The following ARB2A variants were observed in gnomAD, a reference collection of about 807,000 sequenced individuals.
ARB2A encodes ARB2 cotranscriptional regulator A.
the ARB2A span, among the ~76,000 whole-genome samples, chr5:94,108,892 T>C: frequency 6.6e-6 from 1 of 152,110 alleles, no homozygotes; most frequent in East Asian, 1.9e-4. Context: ...ACATATAAAA[T>C]TTCCATGTGA....
the ARB2A span, among the ~76,000 whole-genome samples, chr5:93,712,155 G>A: frequency 1.7e-4 from 26 of 152,256 alleles, no homozygotes; most frequent in African/African-American, 5.8e-4. Context: ...TTACTAGCTT[G>A]GGGTGATTGA....
the ARB2A span, among the ~76,000 whole-genome samples, chr5:93,851,721 G>T: frequency 3.9e-5 from 6 of 152,038 alleles, no homozygotes; most frequent in Admixed American, 2.6e-4. Context: ...TTTTGTTCTT[G>T]CGATAGTTTA....
the ARB2A span, among the ~76,000 whole-genome samples, chr5:93,696,412 A>G: frequency 1.3e-5 from 2 of 152,024 alleles, no homozygotes; most frequent in Non-Finnish European, 2.9e-5. Flanking sequence ...AATCCTACCC[A>G]TCTTTCAAGG....
chr5:94,035,230 C>CATATACATATACATATACATATAT, the ARB2A span, among the ~76,000 whole-genome samples: 1 of 151,248 alleles, frequency 6.6e-6, no homozygotes, highest in African/African-American at 2.4e-5. Flanking sequence ...TATACATATA[C>CATATACATATACATATACATATAT]ATATACATAT....
the ARB2A span, among the ~76,000 whole-genome samples, chr5:94,105,900 T>C: frequency 6.6e-6 from 1 of 151,958 alleles, no homozygotes; most frequent in Non-Finnish European, 1.5e-5. Flanking sequence ...CCCTATTCAA[T>C]AAAGAGTGCT....
At chr5:93,853,889 T>A in the ARB2A span, among the ~76,000 whole-genome samples, 2 of 152,352 alleles carry the variant, frequency 1.3e-5, no homozygotes, top group African/African-American at 4.8e-5. Flanking sequence ...TTTGCATCAA[T>A]GTTCATCAAG....
chr5:93,958,731 A>G, the ARB2A span: 13 of 1,299,946 alleles, frequency 1.0e-5, no homozygotes, highest in Non-Finnish European at 1.3e-5. Flanking sequence ...ATAATAAAAC[A>G]GTACTATAAA....
the ARB2A span, among the ~76,000 whole-genome samples, chr5:93,853,669 G>C: frequency 2.6e-4 from 40 of 152,112 alleles, no homozygotes; most frequent in Non-Finnish European, 4.7e-4. Context: ...TAGCATGAAG[G>C]GTTGTTGAAT....
chr5:93,991,617 A>C, the ARB2A span, among the ~76,000 whole-genome samples: 1 of 152,126 alleles, frequency 6.6e-6, no homozygotes, highest in Non-Finnish European at 1.5e-5. Flanking sequence ...AAGAACTGAA[A>C]AAAAAATACA....
At chr5:93,830,164 A>C in the ARB2A span, among the ~76,000 whole-genome samples, 1 of 151,532 alleles carries the variant, frequency 6.6e-6, no homozygotes, top group South Asian at 2.1e-4. Context: ...TGAAAACAAA[A>C]TAGGAAAGTT....
At chr5:93,977,314 AT>A in the ARB2A span, among the ~76,000 whole-genome samples, 5 of 149,766 alleles carry the variant, frequency 3.3e-5, no homozygotes, top group South Asian at 2.1e-4. Flanking sequence ...GCAAAAAAAA[AT>A]AAAATAAAAT....
At chr5:94,102,894 A>G in the ARB2A span, among the ~76,000 whole-genome samples, 1 of 152,102 alleles carries the variant, frequency 6.6e-6, no homozygotes, top group Non-Finnish European at 1.5e-5. Context: ...AATTCTAACC[A>G]AGAATTTCAT....
At chr5:93,689,356 C>A in the ARB2A span, among the ~76,000 whole-genome samples, 3 of 152,176 alleles carry the variant, frequency 2.0e-5, no homozygotes, top group Admixed American at 2.0e-4. Flanking sequence ...GAACCTGGCA[C>A]ATGGCAAGTG....
the ARB2A span, among the ~76,000 whole-genome samples, chr5:93,789,297 C>T: frequency 2.6e-5 from 4 of 152,106 alleles, no homozygotes; most frequent in Admixed American, 6.5e-5. Context: ...CACTACTGTA[C>T]GTTTATAAAT....
chr5:93,682,913 T>C, the ARB2A span: 7 of 1,559,690 alleles, frequency 4.5e-6, no homozygotes, highest in African/African-American at 4.0e-5. Flanking sequence ...CTTCACATAA[T>C]TGATGAATTT....
At chr5:93,621,206 A>G in the ARB2A span, 8 of 1,383,008 alleles carry the variant, frequency 5.8e-6, no homozygotes, top group Non-Finnish European at 6.6e-6. Context: ...GGCCAGGCCG[A>G]GCCCCGGCTC....
the ARB2A span, among the ~76,000 whole-genome samples, chr5:93,943,193 G>A: frequency 6.6e-6 from 1 of 152,016 alleles, no homozygotes; most frequent in Non-Finnish European, 1.5e-5. Context: ...TTACTAACCT[G>A]CCATCTAAAA....
chr5:93,837,909 C>T, the ARB2A span, among the ~76,000 whole-genome samples: 11 of 152,068 alleles, frequency 7.2e-5, no homozygotes, highest in Admixed American at 1.3e-4. Flanking sequence ...GGATATTAAA[C>T]CTTTGTCAGA....
chr5:93,684,191 T>C, the ARB2A span, among the ~76,000 whole-genome samples: 1 of 152,160 alleles, frequency 6.6e-6, no homozygotes, highest in South Asian at 2.1e-4. Context: ...ATATGCTCCA[T>C]GAGGAAAATG....
Sources: allele counts gnomAD v4.1 joint callset (sites outside exome capture counted in the v4.1 genomes callset), GRCh38; gene constraint gnomAD v4.1.1; transcripts MANE v1.5; gene names NCBI Gene and HGNC (gene_info 2026-07-23, HGNC 2026-07-21).